Variants in NEK2 observed in about 807,000 individuals in gnomAD.
The protein encoded by NEK2 is serine/threonine-protein kinase Nek2.
In NEK2, 28 loss-of-function variants were observed where a neutral mutation model predicts 54.1. That is an observed-to-expected ratio of 0.52 (90% CI 0.38 to 0.71). NEK2 has a LOEUF of 0.71. NEK2 is among the 30% of genes least tolerant of loss of function. NEK2 has a pLI of 0.00. For synonymous variants in NEK2, 176 were observed against 193.1 expected, an observed-to-expected ratio of 0.91 and a Z score of 0.73; for missense variants, 407 against 531.5, an observed-to-expected ratio of 0.77 and a Z score of 2.30.
downstream of NEK2, among the ~76,000 whole-genome samples, chr1:211,662,223 A>T (rs72747011): frequency 0.15 from 22,329 of 152,226 alleles, 1,932 homozygotes; most frequent in Non-Finnish European, 0.2. This position sits in a 1 kb window ranked among gnomAD's most constrained non-coding sequence, Gnocchi z 4.2. Flanking sequence ...TATCCTGTAT[A>T]CAGCTGAAAC....
chr1:211,673,909 C>T (rs1280688027), intron 2 of NEK2, among the ~76,000 whole-genome samples, 186 bp from the exon 3 acceptor site: 4 of 152,090 alleles, frequency 2.6e-5, no homozygotes, highest in Admixed American at 1.3e-4. Flanking sequence ...ACTGCAGCCT[C>T]GACCTCCCAG....
At chr1:211,665,291 C>T (rs1263713899) in intron 7 of NEK2, among the ~76,000 whole-genome samples, 1 of 152,138 alleles carries the variant, frequency 6.6e-6, no homozygotes, top group Non-Finnish European at 1.5e-5. Context: ...ACTTTCAGCA[C>T]TCAATACCCT....
chr1:211,674,598 C>A, intron 1 of NEK2, 85 bp from the exon 2 acceptor site: 1 of 965,980 alleles, frequency 1.0e-6, no homozygotes, highest in Non-Finnish European at 1.5e-6. Context: ...CAAATTACCT[C>A]CCTTTTAATT....
intron 7 of NEK2, among the ~76,000 whole-genome samples, chr1:211,664,509 T>C (rs1359953514): frequency 1.3e-5 from 2 of 152,186 alleles, no homozygotes; most frequent in African/African-American, 4.8e-5. Context: ...AAAATAGCTC[T>C]GGAAACAGGG....
At chr1:211,666,410 G>A (rs1655179455) in intron 7 of NEK2, 3 of 721,010 alleles carry the variant, frequency 4.2e-6, no homozygotes. Context: ...TGAAAAATGA[G>A]GCATGGCAAT....
rs1481025635 is a variant in NEK2 at position 211,669,318 on chromosome 1, A to T, written c.780T>A (p.Pro260=). 6.2e-7 allele frequency: 1 copy of T among 1,614,128 alleles called. No homozygotes were observed. Among genetic ancestry groups the T allele is most frequent in the South Asian group, 1.1e-5 (1 of 91,078 alleles). ...GGTTCTCAAGAATTTCTTCAACAGAAGGTCGATGGTAATCCTGGGGAAAAA... is the reference window on the plus strand; with the variant it reads ...GGTTCTCAAGAATTTCTTCAACAGATGGTCGATGGTAATCCTGGGGAAAAA... ...RMLNLKDYHR[P]SVEEILENPL... Residue 260 remains proline (P), a synonymous_variant, in exon 6 of 8, where the codon CCT becomes CCA. Coordinates refer to ENST00000366999, the MANE Select transcript of NEK2 (RefSeq NM_002497.4).
chr1:211,675,071 T>A (rs890796511), intron 1 of NEK2, among the ~76,000 whole-genome samples: 4 of 152,192 alleles, frequency 2.6e-5, no homozygotes, highest in African/African-American at 4.8e-5. Flanking sequence ...AGAGGGCCAC[T>A]CTTAGAGCTC....
At chr1:211,665,128 C>T (rs1655136508) in intron 7 of NEK2, among the ~76,000 whole-genome samples, 1 of 152,198 alleles carries the variant, frequency 6.6e-6, no homozygotes. Context: ...CTGCTGCTTG[C>T]TGTGATGATT....
intron 3 of NEK2, among the ~76,000 whole-genome samples, chr1:211,671,560 C>T (rs541821685): frequency 6.6e-6 from 1 of 152,324 alleles, no homozygotes; most frequent in African/African-American, 2.4e-5. Flanking sequence ...GAGACTTCTA[C>T]TCTCAAGGCA....
chr1:211,675,186 T>C (rs1655539529), intron 1 of NEK2, among the ~76,000 whole-genome samples, 198 bp downstream of exon 1: 1 of 151,952 alleles, frequency 6.6e-6, no homozygotes, highest in African/African-American at 2.4e-5. Context: ...AAGATGGAAA[T>C]ACATATATCA....
intron 3 of NEK2, among the ~76,000 whole-genome samples, chr1:211,671,534 A>G (rs1428773283): frequency 6.6e-6 from 1 of 152,234 alleles, no homozygotes; most frequent in Non-Finnish European, 1.5e-5. Context: ...CACTGACAAT[A>G]CAGAGGTGAA....
At chr1:211,667,540 G>C (rs1655219987) in intron 6 of NEK2, among the ~76,000 whole-genome samples, 1 of 152,136 alleles carries the variant, frequency 6.6e-6, no homozygotes, top group African/African-American at 2.4e-5. Flanking sequence ...AGCTATCTCT[G>C]CTCTTCACTG....
chr1:211,661,003 C>A, downstream of NEK2: 2 of 741,044 alleles, frequency 2.7e-6, no homozygotes, highest in Non-Finnish European at 5.0e-6. Flanking sequence ...CATCAGGGCC[C>A]GCTGGAAACT....
Position 211,675,580 on chromosome 1 carries a change from C to G in NEK2, c.-101G>C. ...TCCAGGGACCTGGATGGAGAAGCCC[C>G]CGAGCAGCACTGACCCGCCACCCCT... On this transcript the variant is annotated 5_prime_UTR_variant, in exon 1 of 8. Transcript: ENST00000366999. 1.1e-6 allele frequency: 1 copy of G among 917,598 alleles called. No homozygotes were observed. Among genetic ancestry groups the G allele is most frequent in the Non-Finnish European group, 1.7e-6 (1 of 579,564 alleles). The allele number at this position is 917,598 out of a possible 1,614,324, so 56.8% of individuals were successfully genotyped here. A position where few individuals can be genotyped will look rare whatever the true frequency, so the allele number is the denominator to read the frequency against.
At chr1:211,667,508 A>T in intron 6 of NEK2, among the ~76,000 whole-genome samples, 1 of 152,234 alleles carries the variant, frequency 6.6e-6, no homozygotes, top group South Asian at 2.1e-4. Context: ...GGAGTAACTC[A>T]TTTGGGAAAA....
chr1:211,668,415 C>A (rs554840630), intron 6 of NEK2, among the ~76,000 whole-genome samples: 1 of 152,318 alleles, frequency 6.6e-6, no homozygotes, highest in East Asian at 1.9e-4. Context: ...AGTTAATACT[C>A]ATAAGTCAAT....
chr1:211,666,305 A>G (rs1378629834), intron 7 of NEK2: 1 of 156,346 alleles, frequency 6.4e-6, no homozygotes, highest in African/African-American at 2.4e-5. Flanking sequence ...ATTTCAACAA[A>G]TATGTCTTTC....
At chr1:211,660,456 G>T, downstream of NEK2, 1 of 699,668 alleles carries the variant, frequency 1.4e-6, no homozygotes, top group Admixed American at 1.8e-5. Context: ...CCAGCCAGCT[G>T]CATTTGTTGT....
chr1:211,670,569 C>G (rs191916155), intron 4 of NEK2, among the ~76,000 whole-genome samples, 162 bp from the exon 5 acceptor site: 6 of 152,292 alleles, frequency 3.9e-5, no homozygotes, highest in Non-Finnish European at 8.8e-5. Flanking sequence ...CCAACCTTGG[C>G]ACTATTGACA....
Sources: gnomAD v4.1 joint callset for allele counts (sites outside exome capture counted in the v4.1 genomes callset) on GRCh38, gnomAD v4.1.1 for gene constraint, Gnocchi (gnomAD v3.1) non-coding constraint, MANE v1.5 for transcripts, NCBI Gene and HGNC (gene_info 2026-07-23, HGNC 2026-07-21) for gene names.